TRIM37: variants seen among roughly 807,000 people sequenced by gnomAD.
TRIM37 encodes tripartite motif containing 37, also known as E3 ubiquitin-protein ligase TRIM37.
Under a neutral mutation model 129.8 loss-of-function variants are expected in TRIM37, and 80 were observed. The ratio of observed to expected loss-of-function variants is 0.62; its 90% CI spans 0.51 to 0.74. The LOEUF is 0.74. Among genes scored for constraint, TRIM37 ranks in the 30% least tolerant of loss-of-function variants. The pLI is 0.00. For missense variants in TRIM37, 1,054 were observed against 1,176.5 expected, an observed-to-expected ratio of 0.90 and a Z score of 1.52; for synonymous variants, 389 against 387.1, an observed-to-expected ratio of 1.00 and a Z score of -0.06.
At chr17:59,020,306 C>T (rs1450712077) in intron 19 of TRIM37, among the ~76,000 whole-genome samples, 5 of 106,158 alleles carry the variant, frequency 4.7e-5, no homozygotes, top group African/African-American at 1.8e-4. Flanking sequence ...TGGTAAAAGA[C>T]AATGGATGAA....
In TRIM37 at chr17:59,017,392, C is replaced by T. The variant is rs2036081217; in HGVS notation, c.2290G>A (p.Ala764Thr). ...AGACTACCTGCTACACTGGATCGAG[C>T]TGGCTTGGGCGAATTACTCTTCTTA... ...TNKKSNSPKP[A>T]RSSVAGSLSL... is the part of the protein sequence containing the mutation. The change falls in exon 20 of 24, where the codon GCT becomes ACT. Residue 764 changes from alanine (A) to threonine (T), a missense_variant. By Grantham distance (58) the Ala-to-Thr change is moderately conservative. Transcript: ENST00000262294. The T allele has an allele frequency of 4.3e-6, 7 of 1,613,980 alleles. No individual in the cohort carries two copies. Among genetic ancestry groups the T allele is most frequent in the African/African-American group, 1.3e-5 (1 of 74,894 alleles).
At chr17:58,977,211 C>T in the TRIM37 span, among the ~76,000 whole-genome samples, 1 of 151,878 alleles carries the variant, frequency 6.6e-6, no homozygotes, top group South Asian at 2.1e-4. Context: ...TTGAGAAGCC[C>T]AGGTGGGTAG....
chr17:59,067,875 C>T (rs1048933504), intron 9 of TRIM37, among the ~76,000 whole-genome samples: 8 of 152,158 alleles, frequency 5.3e-5, no homozygotes, highest in African/African-American at 1.9e-4. Flanking sequence ...CATGCAGCAC[C>T]TACAACAATA....
Position 58,999,143 on chromosome 17 carries a change from ATTG to A in TRIM37, c.*231_*233del. 7.4e-7 allele frequency: 1 copy of A among 1,351,670 alleles called. No homozygotes were observed. The highest frequency in any genetic ancestry group is 9.5e-7 in the Non-Finnish European group (1 of 1,050,806). The allele number at this position is 1,351,670 out of a possible 1,614,324, so 83.7% of individuals were successfully genotyped here. A position where few individuals can be genotyped will look rare whatever the true frequency, so the allele number is the denominator to read the frequency against. ...ATTTGCTAAATTAATAGAGAACTAC[ATTG>A]TTATTTCCTTACATTACAAAGAACT... On this transcript the variant is annotated 3_prime_UTR_variant, in exon 24 of 24. Coordinates refer to ENST00000262294, the MANE Select transcript of TRIM37 (RefSeq NM_015294.6).
intron 6 of TRIM37, 78 bp downstream of exon 6, chr17:59,081,015 CTGAT>C: frequency 1.2e-6 from 1 of 856,728 alleles, no homozygotes. Flanking sequence ...ATTTCAACAT[CTGAT>C]TAACTTATAT....
chr17:59,002,533 G>C (rs908572297), intron 22 of TRIM37, among the ~76,000 whole-genome samples: 2 of 152,054 alleles, frequency 1.3e-5, no homozygotes, highest in African/African-American at 4.8e-5. Flanking sequence ...CACTGTGCCT[G>C]GCCACATCAG....
In TRIM37 at chr17:59,082,248, G is replaced by A. The variant is rs550719037; in HGVS notation, c.370-1029C>T. Among the ~76,000 whole-genome samples the A allele has an allele frequency of 1.5e-4, 23 of 152,162 alleles. No individual in the cohort carries two copies. In the East Asian group the frequency reaches 3.5e-3, roughly 23 times the overall value. ...ATCACCCCACTGCACTCCAGCCTGG[G>A]TGACAGAGTGAGACTCTGTCTCAAA... On this transcript the variant is annotated intron_variant, in intron 5 of 23. Transcript: ENST00000262294.
intron 17 of TRIM37, among the ~76,000 whole-genome samples, chr17:59,034,600 T>C (rs998975418): frequency 5.3e-5 from 8 of 152,044 alleles, no homozygotes; most frequent in African/African-American, 9.7e-5. Flanking sequence ...CCTCAGGTGA[T>C]TGGCCCGCCT....
chr17:59,005,875 A>G (rs1210513803), intron 22 of TRIM37, among the ~76,000 whole-genome samples: 1 of 152,230 alleles, frequency 6.6e-6, no homozygotes, highest in East Asian at 1.9e-4. Context: ...ATGAACACAC[A>G]TAAAACGGCG....
At chr17:59,008,272 A>T (rs1363052359) in intron 22 of TRIM37, among the ~76,000 whole-genome samples, 6 of 152,208 alleles carry the variant, frequency 3.9e-5, no homozygotes, top group African/African-American at 1.4e-4. Flanking sequence ...TGATTTGCAC[A>T]TTCACAGCAA....
intron 2 of TRIM37, among the ~76,000 whole-genome samples, chr17:59,093,621 C>G (rs1273529768): frequency 6.6e-6 from 1 of 152,188 alleles, no homozygotes; most frequent in Non-Finnish European, 1.5e-5. Context: ...CCCTGCTAGA[C>G]TATAAAACTT....
chr17:59,045,638 CAAAAAAA>C (rs879736965), intron 16 of TRIM37, among the ~76,000 whole-genome samples: 10 of 71,890 alleles, frequency 1.4e-4, no homozygotes, highest in African/African-American at 4.8e-4. Flanking sequence ...AACTCCGTCA[CAAAAAAA>C]AAAAAAAGAA....
At chr17:59,024,663 G>T (rs2037030748) in intron 19 of TRIM37, among the ~76,000 whole-genome samples, 1 of 152,086 alleles carries the variant, frequency 6.6e-6, no homozygotes, top group Non-Finnish European at 1.5e-5. Context: ...AGTAGCTGGG[G>T]TTACAGGTAC....
intron 22 of TRIM37, among the ~76,000 whole-genome samples, chr17:59,002,345 C>G (rs2033886670): frequency 6.6e-6 from 1 of 152,086 alleles, no homozygotes; most frequent in African/African-American, 2.4e-5. Flanking sequence ...AGGGATACTT[C>G]CGCCTTAGCC....
chr17:59,060,146 T>C (rs1364549896), intron 12 of TRIM37, among the ~76,000 whole-genome samples: 4 of 152,170 alleles, frequency 2.6e-5, no homozygotes, highest in Admixed American at 6.6e-5. Context: ...CTCAGCACTA[T>C]CCCCTCAACT....
At chr17:59,067,779 G>A (rs1470789803) in intron 9 of TRIM37, among the ~76,000 whole-genome samples, 2 of 144,148 alleles carry the variant, frequency 1.4e-5, no homozygotes, top group Non-Finnish European at 3.2e-5. Context: ...CAGGTGATCC[G>A]CCCGCCTCGG....
intron 14 of TRIM37, among the ~76,000 whole-genome samples, chr17:59,050,277 C>T (rs2040209443): frequency 6.6e-6 from 1 of 152,232 alleles, no homozygotes; most frequent in South Asian, 2.1e-4. Context: ...CCTCAAACTA[C>T]AGCCACACTG....
intron 22 of TRIM37, among the ~76,000 whole-genome samples, chr17:59,005,237 C>CT (rs2034322137): frequency 1.3e-5 from 2 of 152,064 alleles, no homozygotes. Context: ...CTACATTATT[C>CT]TTTTAAAAAA....
At chr17:58,994,225 A>G (rs1210451060), downstream of TRIM37, among the ~76,000 whole-genome samples, 1 of 152,182 alleles carries the variant, frequency 6.6e-6, no homozygotes, top group South Asian at 2.1e-4. Context: ...ACACACACAG[A>G]TATGTACAGA....
Sources: allele counts gnomAD v4.1 joint callset (sites outside exome capture counted in the v4.1 genomes callset), GRCh38; gene constraint gnomAD v4.1.1; transcripts MANE v1.5; gene names NCBI Gene and HGNC (gene_info 2026-07-23, HGNC 2026-07-21).